PCDH15: variants seen among roughly 807,000 people sequenced by gnomAD.
PCDH15 encodes protocadherin related 15.
A neutral mutation model predicts 178.5 loss-of-function variants in PCDH15; 129 were observed. The ratio of observed to expected loss-of-function variants is 0.72; its 90% CI spans 0.63 to 0.84. The LOEUF is 0.84. Among genes scored for constraint, PCDH15 ranks in the 40% least tolerant of loss-of-function variants. The pLI is 0.00. For synonymous variants in PCDH15, 800 were observed against 732.0 expected, an observed-to-expected ratio of 1.09 and a Z score of -1.50; for missense variants, 2,230 against 2,099.9, an observed-to-expected ratio of 1.06 and a Z score of -1.21.
rs574397788 is a variant in PCDH15, at chr10:55,565,977, C to T, written c.-156+61648G>A. On this transcript the variant is annotated intron_variant, in intron 2 of 5. Transcript: ENST00000613346. Reference sequence around the variant, plus strand: ...CTGTCATGAGGGAACATTTCCAAAACTCATTCTATAAGACATCATTACCCT... The same window carrying T: ...CTGTCATGAGGGAACATTTCCAAAATTCATTCTATAAGACATCATTACCCT... Among the ~76,000 whole-genome samples the T allele has an allele frequency of 2.0e-4, 31 of 151,714 alleles. 1 individual carries two copies. The highest frequency in any genetic ancestry group is 6.8e-3 in the Middle Eastern group (2 of 294).
chr10:54,600,774 G>A, intron 2 of PCDH15: 1 of 457,148 alleles, frequency 2.2e-6, no homozygotes, highest in South Asian at 1.8e-5. Flanking sequence ...TCTCCCATAG[G>A]GGCTCCAGAC....
chr10:55,601,051 C>A (rs1294193367), intron 2 of PCDH15, among the ~76,000 whole-genome samples: 1 of 152,054 alleles, frequency 6.6e-6, no homozygotes, highest in Non-Finnish European at 1.5e-5. Context: ...TGTTTCTTCA[C>A]TAAACCACAT....
At chr10:54,215,059 A>C (rs2051861651) in intron 9 of PCDH15, among the ~76,000 whole-genome samples, 1 of 152,220 alleles carries the variant, frequency 6.6e-6, no homozygotes, top group South Asian at 2.1e-4. Flanking sequence ...AATAACCATA[A>C]GAGAAAAATA....
chr10:54,692,200 A>G (rs2095134913), intron 1 of PCDH15, among the ~76,000 whole-genome samples: 1 of 152,118 alleles, frequency 6.6e-6, no homozygotes, highest in African/African-American at 2.4e-5. Context: ...TTCATTTATC[A>G]TTTAGATCAA....
intron 2 of PCDH15, among the ~76,000 whole-genome samples, chr10:55,600,849 C>A (rs918135807): frequency 4.6e-5 from 7 of 151,712 alleles, no homozygotes; most frequent in Non-Finnish European, 1.0e-4. Flanking sequence ...GCTGCATTGC[C>A]CTTCTCCTTT....
intron 11 of PCDH15, among the ~76,000 whole-genome samples, chr10:54,188,936 T>C (rs1020186202): frequency 4.3e-4 from 66 of 152,070 alleles, no homozygotes; most frequent in African/African-American, 1.6e-3. Context: ...AAATGTTATC[T>C]CCTCAGCCAG....
chr10:54,172,842 C>G (rs1016703306), intron 13 of PCDH15, among the ~76,000 whole-genome samples: 2 of 151,924 alleles, frequency 1.3e-5, no homozygotes, highest in Admixed American at 6.6e-5. Context: ...ATTATTGAAA[C>G]CGGACCATGA....
intron 8 of PCDH15, among the ~76,000 whole-genome samples, chr10:54,259,292 G>C (rs1359730543): frequency 1.3e-5 from 2 of 152,052 alleles, no homozygotes; most frequent in African/African-American, 4.8e-5. Flanking sequence ...ATCTTCTACC[G>C]GCCCCTGTCT....
intron 1 of PCDH15, among the ~76,000 whole-genome samples, chr10:55,318,148 A>G (rs1411672828): frequency 6.6e-6 from 1 of 152,168 alleles, no homozygotes; most frequent in Admixed American, 6.5e-5. Context: ...GAACATTTTT[A>G]TACCATAGTC....
At chr10:54,283,431 T>C (rs1224149646) in intron 8 of PCDH15, among the ~76,000 whole-genome samples, 1 of 152,088 alleles carries the variant, frequency 6.6e-6, no homozygotes, top group Non-Finnish European at 1.5e-5. Context: ...GTACTGGTAG[T>C]TGTGTGAAAG....
In PCDH15 at chr10:55,508,007, G is replaced by C. The variant is rs1234638750; in HGVS notation, c.-156+119618C>G. Among the ~76,000 whole-genome samples the C allele has an allele frequency of 3.3e-5, 5 of 151,622 alleles. No homozygotes were observed. The South Asian group carries it at 1.0e-3, about 31-fold the overall frequency. ...CAGAACTTGTAACTTGAGTGATTTT[G>C]ATAATCAAACTGGACAAATGTTACC... is the stretch of plus-strand genomic sequence containing the variant. On this transcript the variant is annotated intron_variant, in intron 2 of 5. Transcript: ENST00000613346.
At chr10:53,934,576 C>T (rs1589500827) in intron 25 of PCDH15, among the ~76,000 whole-genome samples, 1 of 146,898 alleles carries the variant, frequency 6.8e-6, no homozygotes, top group Non-Finnish European at 1.5e-5. Context: ...CCAGCTTGGG[C>T]AACAGAGTGA....
chr10:53,882,118 TGA>T (rs746113458), intron 26 of PCDH15, among the ~76,000 whole-genome samples: 10 of 91,034 alleles, frequency 1.1e-4, no homozygotes, highest in African/African-American at 3.2e-4. Flanking sequence ...GGAGAAAAGC[TGA>T]GTGTTGGGAG....
chr10:55,538,873 CCTT>C lies in PCDH15; in HGVS notation c.-156+88749_-156+88751del. On this transcript the variant is annotated intron_variant, in intron 2 of 5. Transcript: ENST00000613346. ...TCCTTCCTTCCTTCCTCCTTTCCTT[CCTT>C]CCTCCCTTCCTTCCTTTCCTTCCTT... 5.0e-5 allele frequency among the ~76,000 whole-genome samples: 5 copies of C among 100,358 alleles called. 1 individual carries two copies. Among genetic ancestry groups the C allele is most frequent in the African/African-American group, 2.0e-4 (5 of 25,278 alleles). The allele number at this position is 100,358 out of a possible 152,430, so 65.8% of individuals were successfully genotyped here.
chr10:55,492,008 G>A (rs985011838), intron 2 of PCDH15, among the ~76,000 whole-genome samples: 5 of 151,620 alleles, frequency 3.3e-5, no homozygotes, highest in South Asian at 2.1e-4. Flanking sequence ...TCACTGGTCC[G>A]TGAAGTTTTA....
intron 3 of PCDH15, among the ~76,000 whole-genome samples, chr10:54,395,650 A>ACATGCACAC: frequency 6.6e-6 from 1 of 150,424 alleles, no homozygotes; most frequent in East Asian, 2.0e-4. Context: ...ACACACACAA[A>ACATGCACAC]CATGCACACA....
chr10:55,284,943 C>T (rs1044366936), intron 1 of PCDH15, among the ~76,000 whole-genome samples: 4 of 151,438 alleles, frequency 2.6e-5, no homozygotes, highest in Non-Finnish European at 4.4e-5. Context: ...TAGTCAAAGA[C>T]GGTATAAACA....
chr10:55,484,045 C>T (rs989639877), intron 2 of PCDH15, among the ~76,000 whole-genome samples: 2 of 151,720 alleles, frequency 1.3e-5, no homozygotes, highest in African/African-American at 2.4e-5. Flanking sequence ...CAAACTAACA[C>T]AGGAACAGAA....
At chr10:54,442,414 C>CTTTATATA (rs1491511066) in intron 3 of PCDH15, among the ~76,000 whole-genome samples, 883 of 19,140 alleles carry the variant, frequency 0.046, 174 homozygotes, top group Middle Eastern at 0.18. Context: ...GCCTTAAAGG[C>CTTTATATA]TATATATATA....
Sources: gnomAD v4.1 joint callset for allele counts (sites outside exome capture counted in the v4.1 genomes callset) on GRCh38, gnomAD v4.1.1 for gene constraint, MANE v1.5 for transcripts, NCBI Gene and HGNC (gene_info 2026-07-23, HGNC 2026-07-21) for gene names.